Variants in FAM168B observed in about 807,000 individuals in gnomAD.
The protein encoded by FAM168B is family with sequence similarity 168 member B, also known as myelin-associated neurite-outgrowth inhibitor.
FAM168B carries 19 observed loss-of-function variants against 21.8 expected under a neutral mutation model. The observed-to-expected ratio is 0.87, with a 90% CI of 0.61 to 1.28. The LOEUF (loss-of-function observed/expected upper bound fraction) is 1.28, where lower values mean the gene tolerates loss of function less well. Ranked by LOEUF, FAM168B falls within the 50% of genes most tolerant of loss-of-function variation. The pLI is 0.00. For missense variants in FAM168B, 233 were observed against 263.1 expected, an observed-to-expected ratio of 0.89 and a Z score of 0.79; for synonymous variants, 126 against 104.8, an observed-to-expected ratio of 1.20 and a Z score of -1.24.
chr2:131,083,276 C>T (rs1374258972), intron 1 of FAM168B, among the ~76,000 whole-genome samples: 2 of 152,212 alleles, frequency 1.3e-5, no homozygotes, highest in African/African-American at 4.8e-5. Context: ...ATCGCTTGAA[C>T]CAGGTAGTCG....
intron 5 of FAM168B, 75 bp from the exon 6 acceptor site, chr2:131,053,090 C>G (rs1691791016): frequency 4.1e-6 from 6 of 1,458,916 alleles, no homozygotes; most frequent in Non-Finnish European, 5.4e-6. Flanking sequence ...GCACACAAGC[C>G]TGGCCTCTTT....
intron 3 of FAM168B, among the ~76,000 whole-genome samples, chr2:131,060,673 G>A (rs765676592): frequency 6.6e-6 from 1 of 152,026 alleles, no homozygotes; most frequent in Non-Finnish European, 1.5e-5. Context: ...TGTTAGGGAG[G>A]GCTACACTCA....
rs541355788 is a variant in FAM168B at position 131,062,479 on chromosome 2, G to A, written c.155-6784C>T. ...TGTTTTTGTTTTGAGACGGAGTCTC[G>A]CTCTGTTGCCCAGGTTGGAGTGCAG... On this transcript the variant is annotated intron_variant, in intron 3 of 6. Coordinates refer to ENST00000389915, the MANE Select transcript of FAM168B (RefSeq NM_001009993.4). Among the ~76,000 whole-genome samples the A allele has an allele frequency of 7.2e-5, 11 of 152,214 alleles. No homozygotes were observed. The East Asian group carries it at 1.9e-3, about 27-fold the overall frequency.
intron 2 of FAM168B, among the ~76,000 whole-genome samples, chr2:131,074,954 T>C (rs1171945454): frequency 6.6e-6 from 1 of 152,158 alleles, no homozygotes; most frequent in Non-Finnish European, 1.5e-5. Context: ...TCTTTATCCT[T>C]GCTTCAAAGT....
At chr2:131,064,234 C>A (rs1479948534) in intron 3 of FAM168B, among the ~76,000 whole-genome samples, 1 of 151,684 alleles carries the variant, frequency 6.6e-6, no homozygotes, top group Admixed American at 6.6e-5. Flanking sequence ...TTAAATAGGT[C>A]ATTTTTTTTT....
intron 3 of FAM168B, among the ~76,000 whole-genome samples, chr2:131,069,107 C>T (rs181104839): frequency 6.6e-6 from 1 of 152,364 alleles, no homozygotes; most frequent in Admixed American, 6.5e-5. Flanking sequence ...CAGTCTCCAC[C>T]CTGCCTCTGC....
Position 131,052,974 on chromosome 2 carries a change from G to C in FAM168B, c.517C>G (p.His173Asp). ...TAHSPTPVAPHPVTVPTYRAP... is the reference protein window; with the variant it reads ...TAHSPTPVAPDPVTVPTYRAP... Reference sequence around the variant, plus strand: ...CGGTACGTGGGCACAGTGACCGGGTGGGGGGCGACAGGAGTTGGGGAGTGA... The same window carrying C: ...CGGTACGTGGGCACAGTGACCGGGTCGGGGGCGACAGGAGTTGGGGAGTGA... The change falls in exon 6 of 7, where the codon CAC becomes GAC. Residue 173 changes from histidine (H) to aspartate (D), a missense_variant. Coordinates refer to ENST00000389915, the MANE Select transcript of FAM168B (RefSeq NM_001009993.4). 1 of 1,559,694 alleles carries C rather than the reference G, an allele frequency of 6.4e-7. No individual in the cohort carries two copies. The highest frequency in any genetic ancestry group is 8.7e-7 in the Non-Finnish European group (1 of 1,151,612).
intron 1 of FAM168B, among the ~76,000 whole-genome samples, chr2:131,091,705 C>T (rs1029886928): frequency 6.6e-6 from 1 of 151,596 alleles, no homozygotes; most frequent in Non-Finnish European, 1.5e-5. Context: ...ACCTTCATTA[C>T]CAAGGTTTGG....
intron 2 of FAM168B, among the ~76,000 whole-genome samples, chr2:131,074,197 C>T (rs569935054): frequency 2.8e-4 from 43 of 152,214 alleles, no homozygotes; most frequent in Non-Finnish European, 5.4e-4. Flanking sequence ...GGCGTGATCT[C>T]GGCTCACTGC....
Position 131,055,623 on chromosome 2 carries a change from G to A in FAM168B, c.227C>T (p.Ser76Phe). ...TSGAVPPYSS[S>F]PNPYQTAVYP... ...CACGGCAGTCTGGTAGGGGTTCGGG[G>A]AGGAGGAGTACGGTGGCACAGCCCC... Residue 76 changes from serine (S) to phenylalanine (F), a missense_variant, in exon 4 of 7, where the codon TCC (serine) becomes TTC (phenylalanine). Ser to Phe is a radical substitution (Grantham distance 155). Coordinates refer to ENST00000389915, the MANE Select transcript of FAM168B (RefSeq NM_001009993.4). The A allele has an allele frequency of 6.2e-7, 1 of 1,612,586 alleles. No individual in the cohort carries two copies. The highest frequency in any genetic ancestry group is 8.5e-7 in the Non-Finnish European group (1 of 1,179,232).
intron 1 of FAM168B, among the ~76,000 whole-genome samples, chr2:131,091,980 AC>A (rs1345436452): frequency 8.0e-5 from 12 of 150,612 alleles, no homozygotes; most frequent in Admixed American, 2.0e-4. Context: ...AAAAAAAAAA[AC>A]AAATACAAAA....
At chr2:131,089,772 G>C (rs1190143245) in intron 1 of FAM168B, among the ~76,000 whole-genome samples, 1 of 151,418 alleles carries the variant, frequency 6.6e-6, no homozygotes, top group African/African-American at 2.4e-5. Flanking sequence ...GGTGGCTCAC[G>C]CCTGTAATCC....
chr2:131,083,307 T>G (rs942273296), intron 1 of FAM168B, among the ~76,000 whole-genome samples: 4 of 152,158 alleles, frequency 2.6e-5, no homozygotes, highest in African/African-American at 9.7e-5. Context: ...TGAGCCAATA[T>G]TGCACCACTG....
At chr2:131,073,754 G>A (rs895696051) in intron 2 of FAM168B, among the ~76,000 whole-genome samples, 20 of 152,152 alleles carry the variant, frequency 1.3e-4, no homozygotes, top group Non-Finnish European at 2.6e-4. Context: ...AACAAATTAA[G>A]ACACCAGTCA....
Position 131,086,832 on chromosome 2 carries a change from G to A in FAM168B, c.-11-4175C>T, listed in dbSNP as rs368277571. On this transcript the variant is annotated intron_variant, in intron 1 of 6. Coordinates refer to ENST00000389915, the MANE Select transcript of FAM168B (RefSeq NM_001009993.4). ...TGTAATCCCAGCACTTTGGGAGGCC[G>A]AGGCGGGCGGATCACGAGGTCAGGA... Among the ~76,000 whole-genome samples, 4 of 103,030 alleles carry A rather than the reference G, an allele frequency of 3.9e-5. 1 individual carries two copies. Among genetic ancestry groups the A allele is most frequent in the African/African-American group, 1.1e-4 (2 of 18,708 alleles). 67.6% of individuals were successfully genotyped at this position (103,030 alleles called of 152,430 possible).
At chr2:131,073,483 A>G (rs1692983039) in intron 2 of FAM168B, among the ~76,000 whole-genome samples, 1 of 152,152 alleles carries the variant, frequency 6.6e-6, no homozygotes, top group Non-Finnish European at 1.5e-5. Context: ...AAAATTTGTC[A>G]TTTTAACAGC....
chr2:131,072,396 T>A (rs1186977966), intron 2 of FAM168B, among the ~76,000 whole-genome samples: 2 of 152,126 alleles, frequency 1.3e-5, no homozygotes, highest in Non-Finnish European at 2.9e-5. Flanking sequence ...AGTGCTGGGA[T>A]TATAGGTGTG....
chr2:131,085,535 G>T (rs937689477), intron 1 of FAM168B, among the ~76,000 whole-genome samples: 1 of 152,098 alleles, frequency 6.6e-6, no homozygotes, highest in Non-Finnish European at 1.5e-5. Context: ...AATACAAAAA[G>T]AAACCACTTC....
At chr2:131,092,345 A>G (rs1311278668) in intron 1 of FAM168B, among the ~76,000 whole-genome samples, 1 of 151,924 alleles carries the variant, frequency 6.6e-6, no homozygotes, top group Non-Finnish European at 1.5e-5. Context: ...TGGCTGTCAA[A>G]GCAAAAATAA....
Sources: allele counts gnomAD v4.1 joint callset (sites outside exome capture counted in the v4.1 genomes callset), GRCh38; gene constraint gnomAD v4.1.1; transcripts MANE v1.5; gene names NCBI Gene and HGNC (gene_info 2026-07-23, HGNC 2026-07-21).